The following CYP2A6 variants were observed in gnomAD, a reference collection of about 807,000 sequenced individuals.
The protein encoded by CYP2A6 is cytochrome P450 2A6.
In CYP2A6, 27 loss-of-function variants were observed where a neutral mutation model predicts 42.3. The observed-to-expected ratio is 0.64, with a 90% CI of 0.47 to 0.88. CYP2A6 has a LOEUF of 0.88. Ranked by LOEUF, CYP2A6 falls within the 40% of genes least tolerant of loss-of-function variation. CYP2A6 has a pLI of 0.00. For synonymous variants in CYP2A6, 238 were observed against 246.3 expected (o/e 0.97, Z 0.31); for missense variants, 628 against 646.0 (o/e 0.97, Z 0.30).
intron 4 of CYP2A6, 62 bp downstream of exon 4, chr19:40,848,157 A>G: frequency 3.8e-6 from 6 of 1,596,158 alleles, no homozygotes; most frequent in Non-Finnish European, 5.1e-6. Flanking sequence ...ACCTGTCTCC[A>G]GGTAGGGGAG....
intron 5 of CYP2A6, among the ~76,000 whole-genome samples, 174 bp downstream of exon 5, chr19:40,846,701 C>T (rs557383130): frequency 1.7e-4 from 26 of 151,480 alleles, no homozygotes; most frequent in African/African-American, 4.4e-4. Flanking sequence ...CCACCTGCCT[C>T]GGCCTCCCAA....
In CYP2A6 at chr19:40,848,970, GAGAGAGA is replaced by G. The variant is rs1194792080; in HGVS notation, c.344-214_344-208del. Among the ~76,000 whole-genome samples the G allele has an allele frequency of 1.8e-3, 224 of 122,980 alleles. 4 individuals are homozygous for G. Among genetic ancestry groups the G allele is most frequent in the African/African-American group, 7.3e-3 (214 of 29,184 alleles). 80.7% of individuals were successfully genotyped at this position (122,980 alleles called of 152,430 possible). A position where few individuals can be genotyped will look rare whatever the true frequency, so the allele number is the denominator to read the frequency against. On this transcript the variant is annotated intron_variant, in intron 2 of 8. Transcript: ENST00000301141. Reference sequence around the variant, plus strand: ...AGAGAGAGAGAGAGAGAGAGAGAGAGAGAGAGAAGAGAGAGAGGAGAGAGAGAGAGAG... The same window carrying G: ...AGAGAGAGAGAGAGAGAGAGAGAGAGAGAGAGAGAGGAGAGAGAGAGAGAG...
In CYP2A6 at chr19:40,846,039, T is replaced by G. The variant is rs1218597868; in HGVS notation, c.890A>C (p.Asn297Thr). ...GGTCTCGGTGCCCCCAATGAAGAGG[T>G]TCAACGTGGTCATCACCAGGTTTTT... is the stretch of plus-strand genomic sequence containing the variant. ...YLKNLVMTTL[N>T]LFIGGTETVS... Residue 297 changes from asparagine to threonine, a missense_variant, in exon 6 of 9, where the codon AAC becomes ACC. Coordinates refer to ENST00000301141, the MANE Select transcript of CYP2A6 (RefSeq NM_000762.6). 3 of 1,610,094 alleles carry G rather than the reference T, an allele frequency of 1.9e-6. No homozygotes were observed. The South Asian group carries it at 3.3e-5, about 18-fold the overall frequency.
At chr19:40,844,076 G>T (rs1171797848) in intron 8 of CYP2A6, 99 bp from the exon 9 acceptor site, 2 of 1,484,580 alleles carry the variant, frequency 1.3e-6, no homozygotes, top group Non-Finnish European at 1.8e-6. Flanking sequence ...GGGAGGAAGG[G>T]TGGAATATTA....
chr19:40,846,794 G>A, intron 5 of CYP2A6, 81 bp downstream of exon 5: 2 of 1,562,232 alleles, frequency 1.3e-6, no homozygotes, highest in Admixed American at 3.5e-5. Context: ...GAATGGGCCT[G>A]TGTCATCTGC....
intron 4 of CYP2A6, among the ~76,000 whole-genome samples, 162 bp downstream of exon 4, chr19:40,848,057 A>C (rs1351197945): frequency 6.6e-6 from 1 of 150,826 alleles, no homozygotes; most frequent in Non-Finnish European, 1.5e-5. Context: ...TTGGACATCC[A>C]TCCTGGGTTC....
intron 2 of CYP2A6, 34 bp from the exon 3 acceptor site, chr19:40,848,797 A>AG: frequency 6.3e-7 from 1 of 1,586,112 alleles, no homozygotes; most frequent in Non-Finnish European, 8.6e-7. Context: ...GAGACAGGCC[A>AG]GGGGGCGGCA....
intron 1 of CYP2A6, 63 bp downstream of exon 1, chr19:40,850,184 A>G (rs1967195326): frequency 1.3e-6 from 2 of 1,573,398 alleles, no homozygotes; most frequent in Non-Finnish European, 1.7e-6. Flanking sequence ...ACCCCCTGCC[A>G]CAAAGCCCCA....
At position 40,843,762 on chromosome 19, in the gene CYP2A6, C is replaced by A. The variant is rs1235904465; in HGVS notation, c.*34G>T. 2.0e-6 allele frequency: 3 copies of A among 1,535,574 alleles called. No homozygotes were observed. In the Admixed American group the frequency reaches 6.2e-5, roughly 32 times the overall value. Reference sequence around the variant, plus strand: ...TCTTGGCCCTGCCCTTTCCCTGGCCCCGCCCACCAGACCTGCACCGGCACA... The same window carrying A: ...TCTTGGCCCTGCCCTTTCCCTGGCCACGCCCACCAGACCTGCACCGGCACA... On this transcript the variant is annotated 3_prime_UTR_variant, in exon 9 of 9. Transcript: ENST00000301141.
At position 40,845,274 on chromosome 19, in the gene CYP2A6, G is replaced by A. The variant is rs778129171; in HGVS notation, c.1161+20C>T. 3 of 1,611,436 alleles carry A rather than the reference G, an allele frequency of 1.9e-6. No individual in the cohort carries two copies. The highest frequency in any genetic ancestry group is 3.3e-5 in the Admixed American group (2 of 59,958). On this transcript the variant is annotated intron_variant, in intron 7 of 8. Coordinates refer to ENST00000301141, the MANE Select transcript of CYP2A6 (RefSeq NM_000762.6). ...GGGGCTGGAAGTCCCCGTAGTCTGG[G>A]GGGTGGGGGCGGATAGCACCTTAGG...
Position 40,845,238 on chromosome 19 carries a change from G to A in CYP2A6, c.1161+56C>T, listed in dbSNP as rs2083449888. On this transcript the variant is annotated intron_variant, in intron 7 of 8. Coordinates refer to ENST00000301141, the MANE Select transcript of CYP2A6 (RefSeq NM_000762.6). ...GCTTCTAATGTGGGTGGGATGCTGG[G>A]GACACAGAGAGGGGCTGGAAGTCCC... The A allele has an allele frequency of 6.2e-6, 10 of 1,604,870 alleles. No individual in the cohort carries two copies. In the Admixed American group the frequency reaches 1.7e-4, roughly 27 times the overall value.
chr19:40,846,874 C>G lies in CYP2A6; in HGVS notation c.831+1G>C. 6.2e-7 allele frequency: 1 copy of G among 1,611,738 alleles called. No homozygotes were observed. Among genetic ancestry groups the G allele is most frequent in the South Asian group, 1.1e-5 (1 of 90,866 alleles). ...TCCCCGCAGTGGCTGCTGGGGTGTA[C>G]CTCCTGCATGCGGATGAGAAAGGAG... On this transcript the variant is annotated splice_donor_variant, in intron 5 of 8. Transcript: ENST00000301141. LOFTEE classifies it high-confidence loss of function.
intron 4 of CYP2A6, 36 bp downstream of exon 4, chr19:40,848,183 G>A (rs1338909854): frequency 5.6e-6 from 9 of 1,606,766 alleles, no homozygotes; most frequent in East Asian, 2.3e-5. Context: ...GGCAGGTTGT[G>A]GTAGGGGCGT....
Position 40,849,970 on chromosome 19 carries a change from C to T in CYP2A6, c.191G>A (p.Arg64His), listed in dbSNP as rs374515279. 7.8e-5 allele frequency: 125 copies of T among 1,610,800 alleles called. No homozygotes were observed. The highest frequency in any genetic ancestry group is 9.8e-5 in the Non-Finnish European group (116 of 1,179,358). Residue 64 changes from arginine to histidine, a missense_variant, in exon 2 of 9, where the codon CGC (arginine) becomes CAC (histidine). Arg to His is a conservative substitution (Grantham distance 29). Transcript: ENST00000301141. ...GTGAATGGTGAACACGGGGCCATAG[C>T]GCTCACTGATCTGATGGAGGTGGGT... ...MYNSLMKISE[R>H]YGPVFTIHLG...
Position 40,848,726 on chromosome 19 carries a change from G to C in CYP2A6, c.381C>G (p.Leu127=). The C allele has an allele frequency of 1.2e-6, 2 of 1,611,770 alleles. No individual in the cohort carries two copies. Among genetic ancestry groups the C allele is most frequent in the East Asian group, 2.3e-5 (1 of 43,360 alleles). The change falls in exon 3 of 9, where the codon CTC becomes CTG. Residue 127 remains leucine, a synonymous_variant. Coordinates refer to ENST00000301141, the MANE Select transcript of CYP2A6 (RefSeq NM_000762.6). Reference sequence around the variant, plus strand: ...GCAGGGTGGCGATGGAGAAGCGCCGGAGCTGCTTGGCGCGCTCCCCGTTGC... The same window carrying C: ...GCAGGGTGGCGATGGAGAAGCGCCGCAGCTGCTTGGCGCGCTCCCCGTTGC... ...VFSNGERAKQ[L]RRFSIATLRD...
rs558177610 is a variant in CYP2A6 at position 40,843,603 on chromosome 19, C to T, written c.*193G>A. 3 of 989,944 alleles carry T rather than the reference C, an allele frequency of 3.0e-6. No homozygotes were observed. Among genetic ancestry groups the T allele is most frequent in the Non-Finnish European group, 4.3e-6 (3 of 694,668 alleles). The allele number at this position is 989,944 out of a possible 1,614,324, so 61.3% of individuals were successfully genotyped here. On this transcript the variant is annotated 3_prime_UTR_variant, in exon 9 of 9. Transcript: ENST00000301141. ...AGCATAATGTAAGGGTTTCCTTCCT[C>T]TCATCCCAGCTCGGAAGCACCTTAT...
rs534449205 is a variant in CYP2A6, at chr19:40,849,276, T to C, written c.344-513A>G. On this transcript the variant is annotated intron_variant, in intron 2 of 8. Coordinates refer to ENST00000301141, the MANE Select transcript of CYP2A6 (RefSeq NM_000762.6). ...TATGGGGAGATCTGGGAGGAGGAAA[T>C]AAAAATGGTGAAAGATTCTTAAGCT... Among the ~76,000 whole-genome samples the C allele has an allele frequency of 2.0e-4, 30 of 149,244 alleles. No homozygotes were observed. The East Asian group carries it at 6.1e-3, about 30-fold the overall frequency.
chr19:40,845,860 G>A, intron 6 of CYP2A6, 96 bp downstream of exon 6: 1 of 1,531,616 alleles, frequency 6.5e-7, no homozygotes, highest in Non-Finnish European at 8.8e-7. Flanking sequence ...TCACGTCTCA[G>A]GGTCCCGGGA....
chr19:40,845,171 G>T, intron 7 of CYP2A6, 123 bp downstream of exon 7: 1 of 1,265,922 alleles, frequency 7.9e-7, no homozygotes, highest in South Asian at 1.3e-5. Flanking sequence ...GGTTGGGGAA[G>T]TCTTTTTTGA....
Sources: allele counts gnomAD v4.1 joint callset (sites outside exome capture counted in the v4.1 genomes callset), GRCh38; gene constraint gnomAD v4.1.1; transcripts MANE v1.5; gene names NCBI Gene and HGNC (gene_info 2026-07-23, HGNC 2026-07-21).